The following SV2A variants were observed in gnomAD, a reference collection of about 807,000 sequenced individuals.
SV2A encodes synaptic vesicle glycoprotein 2A.
Under a neutral mutation model 78.0 loss-of-function variants are expected in SV2A, and 25 were observed. That is an observed-to-expected ratio of 0.32 (90% confidence interval 0.23 to 0.45). The LOEUF is 0.45. Ranked by LOEUF, SV2A falls within the 20% of genes least tolerant of loss-of-function variation. The pLI, the probability that SV2A is intolerant of heterozygous loss-of-function variation, is 1.00. For synonymous variants in SV2A, 355 were observed against 384.7 expected (o/e 0.92, Z 0.90); for missense variants, 752 against 971.5 (o/e 0.77, Z 3.00).
At chr1:149,915,655 T>C (rs1213248796) in intron 1 of SV2A, among the ~76,000 whole-genome samples, 1 of 152,012 alleles carries the variant, frequency 6.6e-6, no homozygotes, top group Admixed American at 6.6e-5. Flanking sequence ...TCCTTTCTGC[T>C]CCTCCTCCAG....
At chr1:149,907,904 G>A (rs1012089659) in intron 9 of SV2A, 71 bp from the exon 10 acceptor site, 46 of 1,577,496 alleles carry the variant, frequency 2.9e-5, no homozygotes, top group Admixed American at 8.9e-5. Flanking sequence ...ACTCTTTAGC[G>A]AAGTAATGGG....
intron 3 of SV2A, 60 bp from the exon 4 acceptor site, chr1:149,911,037 C>T (rs1293082297): frequency 6.4e-7 from 1 of 1,571,310 alleles, no homozygotes; most frequent in Non-Finnish European, 8.6e-7. Context: ...TCCCCTGCCC[C>T]ACTGCTCTGG....
rs1553764085 is a variant in SV2A at position 149,913,470 on chromosome 1, C to T, written c.371G>A (p.Gly124Glu). ...ADGAPLAGVR[G>E]GLSDGEGPPG... ...GGGACCCTCCCCATCACTCAAGCCC[C>T]CCCTTACTCCAGCCAGGGGCGCCCC... The change falls in exon 2 of 13, where the codon GGG becomes GAG. Residue 124 changes from glycine to glutamate, a missense_variant. Physicochemically the swap from Gly to Glu is moderately conservative, Grantham distance 98. Around this residue, in one of 7 missense-constraint regions of SV2A, gnomAD observed 291 missense variants for 359.5 expected, o/e 0.81. Coordinates refer to ENST00000369146, the MANE Select transcript of SV2A (RefSeq NM_014849.5). 1.9e-6 allele frequency: 3 copies of T among 1,613,702 alleles called. No individual in the cohort carries two copies. Among genetic ancestry groups the T allele is most frequent in the South Asian group, 2.2e-5 (2 of 91,036 alleles).
chr1:149,910,029 G>A lies in SV2A; in HGVS notation c.1090-139C>T, dbSNP rs1184358275. The A allele has an allele frequency of 1.9e-5, 14 of 750,038 alleles. No homozygotes were observed. The Admixed American group carries it at 2.9e-4, about 16-fold the overall frequency. The allele number at this position is 750,038 out of a possible 1,614,324, so 46.5% of individuals were successfully genotyped here. A position where few individuals can be genotyped will look rare whatever the true frequency, so the allele number is the denominator to read the frequency against. On this transcript the variant is annotated intron_variant, in intron 5 of 12. Coordinates refer to ENST00000369146, the MANE Select transcript of SV2A (RefSeq NM_014849.5). The surrounding 1 kb of genome is among the most constrained non-coding windows in gnomAD (Gnocchi z 4.2). ...GCCCTCAACCCCACCACCAAGCCCT[G>A]ACCTATGGGCATGCACTCACCACTC...
intron 10 of SV2A, among the ~76,000 whole-genome samples, chr1:149,907,148 C>T (rs1571497677): frequency 6.6e-6 from 1 of 152,218 alleles, no homozygotes; most frequent in Non-Finnish European, 1.5e-5. Flanking sequence ...TAAGCAGTAG[C>T]GATGCCGTGG....
chr1:149,906,710 G>T lies in SV2A; in HGVS notation c.1825C>A (p.Leu609Ile). Residue 609 changes from leucine (L) to isoleucine (I), a missense_variant, in exon 11 of 13, where the codon CTT becomes ATT. Physicochemically the swap from Leu to Ile is conservative, Grantham distance 5. Around this residue, in one of 7 missense-constraint regions of SV2A, gnomAD observed 186 missense variants for 274.6 expected, o/e 0.68. Transcript: ENST00000369146. ...AGGGCAGACACGATATTCCCAGGAA[G>T]CACTGCCAGTGTCCCCAGGAAGCTC... ...FVSFLGTLAV[L>I]PGNIVSALLM... 1 of 1,614,224 alleles carries T rather than the reference G, an allele frequency of 6.2e-7. No homozygotes were observed. Among genetic ancestry groups the T allele is most frequent in the African/African-American group, 1.3e-5 (1 of 75,054 alleles).
Position 149,905,087 on chromosome 1 carries a change from G to A in SV2A, c.2156C>T (p.Ala719Val), listed in dbSNP as rs1553762487. Reference protein sequence around the residue: ...GITKAAPILFASAALALGSSL... With the variant: ...GITKAAPILFVSAALALGSSL... ...GCTGCCAAGGGCAAGGGCAGCTGAG[G>A]CAAAGAGGATGGGTGCAGCCTTGGT... The change falls in exon 13 of 13, where the codon GCC becomes GTC. Residue 719 changes from alanine (A) to valine (V), a missense_variant. By Grantham distance (64) the Ala-to-Val change is moderately conservative. Transcript: ENST00000369146. 2.5e-6 allele frequency: 4 copies of A among 1,613,410 alleles called. No individual in the cohort carries two copies. Among genetic ancestry groups the A allele is most frequent in the Non-Finnish European group, 3.4e-6 (4 of 1,179,810 alleles).
rs587611101 is a variant in SV2A, at chr1:149,906,669, G to A, written c.1866C>T (p.Ile622=). 165 of 1,614,132 alleles carry A rather than the reference G, an allele frequency of 1.0e-4. No individual in the cohort carries two copies. The highest frequency in any genetic ancestry group is 1.8e-4 in the South Asian group (16 of 91,072). Residue 622 remains isoleucine, a synonymous_variant, in exon 11 of 13, where the codon ATC becomes ATT. Transcript: ENST00000369146. ...NIVSALLMDK[I]GRLRMLAGSS... ...CCTTACCAAGCATTCTGAGCCTGCC[G>A]ATCTTGTCCATGAGCAGGGCAGACA...
chr1:149,913,095 G>T, intron 2 of SV2A, 124 bp downstream of exon 2: 1 of 1,250,768 alleles, frequency 8.0e-7, no homozygotes, highest in Non-Finnish European at 1.1e-6. Context: ...GGAACCCTGA[G>T]CCCTCTGGGA....
In SV2A at chr1:149,905,008, AC is replaced by A; in HGVS notation, c.*5del. On this transcript the variant is annotated 3_prime_UTR_variant, in exon 13 of 13. Coordinates refer to ENST00000369146, the MANE Select transcript of SV2A (RefSeq NM_014849.5). ...GCCTGCCAATCCCAAAGCCCTAGAG[AC>A]CCCTTCACTGCAGCACCTGCCCCCG... 1 of 1,607,034 alleles carries A rather than the reference AC, an allele frequency of 6.2e-7. No individual in the cohort carries two copies. The highest frequency in any genetic ancestry group is 8.5e-7 in the Non-Finnish European group (1 of 1,176,836).
intron 1 of SV2A, among the ~76,000 whole-genome samples, chr1:149,917,373 T>TG (rs1416523100): frequency 1.3e-5 from 2 of 151,074 alleles, no homozygotes; most frequent in East Asian, 3.9e-4. Flanking sequence ...ATCCTGGGGG[T>TG]GGGGGGACGT....
chr1:149,905,732 C>T (rs587670360), intron 12 of SV2A, 148 bp downstream of exon 12: 29 of 1,132,832 alleles, frequency 2.6e-5, no homozygotes, highest in Middle Eastern at 3.1e-4. Flanking sequence ...CATGAGTCAC[C>T]GTGCCCGGCC....
Position 149,909,798 on chromosome 1 carries a change from T to C in SV2A, c.1179+3A>G. 1 of 1,613,530 alleles carries C rather than the reference T, an allele frequency of 6.2e-7. No homozygotes were observed. Among genetic ancestry groups the C allele is most frequent in the Non-Finnish European group, 8.5e-7 (1 of 1,179,978 alleles). On this transcript the variant is annotated splice_donor_region_variant and intron_variant, in intron 6 of 12. Coordinates refer to ENST00000369146, the MANE Select transcript of SV2A (RefSeq NM_014849.5). ...GGTCTGAGTCGGGAGGGCTGTGGCT[T>C]ACTGAGAACACTCGCTCAGGATGTC... is the stretch of plus-strand genomic sequence containing the variant.
At position 149,909,174 on chromosome 1, in the gene SV2A, G is replaced by C; in HGVS notation, c.1379+18C>G. On this transcript the variant is annotated intron_variant, in intron 8 of 12. Coordinates refer to ENST00000369146, the MANE Select transcript of SV2A (RefSeq NM_014849.5). ...CACCACAACCACCACACATCACCCA[G>C]CCCACCCATCTCCTCACCTGAATGA... 6.2e-7 allele frequency: 1 copy of C among 1,611,056 alleles called. No homozygotes were observed. The highest frequency in any genetic ancestry group is 8.5e-7 in the Non-Finnish European group (1 of 1,177,412).
Position 149,904,808 on chromosome 1 carries a change from C to T in SV2A, c.*206G>A, listed in dbSNP as rs1553762416. 1 of 554,248 alleles carries T rather than the reference C, an allele frequency of 1.8e-6. No homozygotes were observed. Among genetic ancestry groups the T allele is most frequent in the Admixed American group, 3.2e-5 (1 of 31,292 alleles). The allele number at this position is 554,248 out of a possible 1,614,324, so 34.3% of individuals were successfully genotyped here. Reference sequence around the variant, plus strand: ...GGAAATGGGGAGTACAGCTTCATCTCAAAACTGGGATGAAGGAGCCTTCCC... The same window carrying T: ...GGAAATGGGGAGTACAGCTTCATCTTAAAACTGGGATGAAGGAGCCTTCCC... On this transcript the variant is annotated 3_prime_UTR_variant, in exon 13 of 13. Coordinates refer to ENST00000369146, the MANE Select transcript of SV2A (RefSeq NM_014849.5).
In SV2A at chr1:149,909,649, A is replaced by G. The variant is rs1333117177; in HGVS notation, c.1180-78T>C. On this transcript the variant is annotated intron_variant, in intron 6 of 12. Coordinates refer to ENST00000369146, the MANE Select transcript of SV2A (RefSeq NM_014849.5). ...GGCCAGGCGCCTCAGTTTCCCCTGCATTAGCAAAATGGGAGGCAGGAGGTG... is the reference window on the plus strand; with the variant it reads ...GGCCAGGCGCCTCAGTTTCCCCTGCGTTAGCAAAATGGGAGGCAGGAGGTG... 3.8e-5 allele frequency: 56 copies of G among 1,472,288 alleles called. No individual in the cohort carries two copies. The Admixed American group carries it at 9.7e-4, about 25-fold the overall frequency. The allele number at this position is 1,472,288 out of a possible 1,614,324, so 91.2% of individuals were successfully genotyped here. A position where few individuals can be genotyped will look rare whatever the true frequency, so the allele number is the denominator to read the frequency against.
chr1:149,913,790 G>A lies in SV2A; in HGVS notation c.51C>T (p.Asp17=). ...DRAAFIRGAK[D]IAKEVKKHAA... ...CATGCTTTTTGACTTCCTTAGCAATGTCTTTGGCCCCACGGATGAAAGCTG... is the reference window on the plus strand; with the variant it reads ...CATGCTTTTTGACTTCCTTAGCAATATCTTTGGCCCCACGGATGAAAGCTG... The change falls in exon 2 of 13, where the codon GAC becomes GAT. Residue 17 remains aspartate, a synonymous_variant. Coordinates refer to ENST00000369146, the MANE Select transcript of SV2A (RefSeq NM_014849.5). The A allele has an allele frequency of 6.2e-7, 1 of 1,613,790 alleles. No individual in the cohort carries two copies. Among genetic ancestry groups the A allele is most frequent in the Non-Finnish European group, 8.5e-7 (1 of 1,179,750 alleles).
In SV2A at chr1:149,908,177, T is replaced by C; in HGVS notation, c.1409A>G (p.Asp470Gly). The change falls in exon 9 of 13, where the codon GAC becomes GGC. Residue 470 changes from aspartate (D) to glycine (G), a missense_variant. Transcript: ENST00000369146. ...SYYGLTVWFP[D>G]MIRHLQAVDY... ...CACTGCCTGGAGATGGCGGATCATG[T>C]CAGGAAACCAGACGGTCAGGCCATA... 6.2e-7 allele frequency: 1 copy of C among 1,614,110 alleles called. No homozygotes were observed. The highest frequency in any genetic ancestry group is 8.5e-7 in the Non-Finnish European group (1 of 1,179,994).
chr1:149,913,122 G>C (rs587723153), intron 2 of SV2A, 97 bp downstream of exon 2: 7 of 1,493,016 alleles, frequency 4.7e-6, no homozygotes, highest in Non-Finnish European at 4.5e-6. Flanking sequence ...TGGGTGCAGG[G>C]TCCTAGGGAA....
Sources: allele counts gnomAD v4.1 joint callset (sites outside exome capture counted in the v4.1 genomes callset), GRCh38; gene constraint gnomAD v4.1.1; regional missense constraint gnomAD v4.1.1; non-coding constraint Gnocchi (gnomAD v3.1); transcripts MANE v1.5; gene names NCBI Gene and HGNC (gene_info 2026-07-23, HGNC 2026-07-21).